The following WNT3A variants were observed in gnomAD, a reference collection of about 807,000 sequenced individuals.
The protein encoded by WNT3A is protein Wnt-3a.
In WNT3A, 17 loss-of-function variants were observed where a neutral mutation model predicts 37.0. The observed-to-expected ratio is 0.46, with a 90% CI of 0.31 to 0.69. The LOEUF is 0.69. Ranked by LOEUF, WNT3A falls within the 30% of genes least tolerant of loss-of-function variation. The pLI is 0.05. For synonymous variants in WNT3A, 187 were observed against 211.0 expected (o/e 0.89, Z 0.99); for missense variants, 411 against 510.2 (o/e 0.81, Z 1.87).
chr1:228,055,216 A>ATATATATATATG (rs1490963885), intron 3 of WNT3A, among the ~76,000 whole-genome samples: 1 of 130,336 alleles, frequency 7.7e-6, no homozygotes, highest in Non-Finnish European at 1.6e-5. Context: ...ATATATATAT[A>ATATATATATATG]TATACACACA....
At chr1:228,057,639 G>A (rs1417021536) in intron 3 of WNT3A, among the ~76,000 whole-genome samples, 2 of 152,166 alleles carry the variant, frequency 1.3e-5, no homozygotes, top group Non-Finnish European at 2.9e-5. Context: ...GCCAGAAGGG[G>A]ACGAGGAGGA....
In WNT3A at chr1:228,007,274, C is replaced by T. The variant is rs1054989105; in HGVS notation, c.71+75C>T. On this transcript the variant is annotated intron_variant, in intron 1 of 3. Transcript: ENST00000284523. The surrounding 1 kb of genome is among the most constrained non-coding windows in gnomAD (Gnocchi z 6.0). ...AGCAGACGGTCCCCTCGGGCAGGGA[C>T]CCCGCGGTGGCCCGAGCCCGCGCCC... 32 of 1,475,844 alleles carry T rather than the reference C, an allele frequency of 2.2e-5. No individual in the cohort carries two copies. In the Admixed American group the frequency reaches 6.2e-4, roughly 29 times the overall value. 91.4% of individuals were successfully genotyped at this position (1,475,844 alleles called of 1,614,324 possible). A position where few individuals can be genotyped will look rare whatever the true frequency, so the allele number is the denominator to read the frequency against.
chr1:228,016,619 G>A (rs2030538790), intron 1 of WNT3A, among the ~76,000 whole-genome samples: 1 of 152,120 alleles, frequency 6.6e-6, no homozygotes, highest in Admixed American at 6.5e-5. Flanking sequence ...TATTTTGCAG[G>A]GACTGGGGTT....
At chr1:228,052,731 C>T (rs558304596) in intron 3 of WNT3A, among the ~76,000 whole-genome samples, 1 of 152,316 alleles carries the variant, frequency 6.6e-6, no homozygotes, top group East Asian at 1.9e-4. Flanking sequence ...AATCTTCCTG[C>T]AGAAGACAAC....
At chr1:228,055,169 AAAAAAAAAAAATATATATATATAT>A (rs2031649020) in intron 3 of WNT3A, among the ~76,000 whole-genome samples, 1 of 70,530 alleles carries the variant, frequency 1.4e-5, no homozygotes, top group African/African-American at 6.3e-5. Flanking sequence ...AAAAAAAAAA[AAAAAAAAAAAATATATATATATAT>A]ATATATATAT....
chr1:228,020,185 T>C (rs1326746559), intron 1 of WNT3A, among the ~76,000 whole-genome samples: 3 of 152,200 alleles, frequency 2.0e-5, no homozygotes, highest in Non-Finnish European at 2.9e-5. Flanking sequence ...ATCACACCAC[T>C]GCACTCCAGC....
rs772366201 is a variant in WNT3A at position 228,007,155 on chromosome 1, C to T, written c.27C>T (p.Leu9=). Residue 9 remains leucine (L), a synonymous_variant, in exon 1 of 4, where the codon CTC becomes CTT. Coordinates refer to ENST00000284523, the MANE Select transcript of WNT3A (RefSeq NM_033131.4). This position sits in a 1 kb window ranked among gnomAD's most constrained non-coding sequence, Gnocchi z 6.0. ...TGGCCCCACTCGGATACTTCTTACT[C>T]CTCTGCAGCCTGAAGCAGGCTCTGG... MAPLGYFL[L]LCSLKQALGS... 1.2e-6 allele frequency: 2 copies of T among 1,603,028 alleles called. No individual in the cohort carries two copies. Among genetic ancestry groups the T allele is most frequent in the Non-Finnish European group, 1.7e-6 (2 of 1,175,002 alleles).
intron 1 of WNT3A, among the ~76,000 whole-genome samples, chr1:228,012,951 C>T (rs1391855765): frequency 6.6e-6 from 1 of 152,208 alleles, no homozygotes; most frequent in Non-Finnish European, 1.5e-5. Flanking sequence ...GATCTTGGCT[C>T]ACTGCAGCCT....
Position 228,060,176 on chromosome 1 carries a change from T to C in WNT3A, c.*711T>C. 1 of 1,351,388 alleles carries C rather than the reference T, an allele frequency of 7.4e-7. No homozygotes were observed. Among genetic ancestry groups the C allele is most frequent in the Non-Finnish European group, 9.8e-7 (1 of 1,021,318 alleles). 83.7% of individuals were successfully genotyped at this position (1,351,388 alleles called of 1,614,324 possible). A position where few individuals can be genotyped will look rare whatever the true frequency, so the allele number is the denominator to read the frequency against. ...TGGGACTCTTCCCTGGGAACCGCCCTCCTGATTAAGGCGTGGCTTCTGCAG... is the reference window on the plus strand; with the variant it reads ...TGGGACTCTTCCCTGGGAACCGCCCCCCTGATTAAGGCGTGGCTTCTGCAG... On this transcript the variant is annotated 3_prime_UTR_variant, in exon 4 of 4. Transcript: ENST00000284523.
At position 228,022,755 on chromosome 1, in the gene WNT3A, C is replaced by T. The variant is rs908046368; in HGVS notation, c.160C>T (p.Arg54Cys). The T allele has an allele frequency of 4.3e-6, 7 of 1,614,046 alleles. No homozygotes were observed. Among genetic ancestry groups the T allele is most frequent in the East Asian group, 2.2e-5 (1 of 44,882 alleles). The change falls in exon 2 of 4, where the codon CGC (arginine) becomes TGC (cysteine). Residue 54 changes from arginine to cysteine, a missense_variant. Arg to Cys is a radical substitution (Grantham distance 180, BLOSUM62 -3). Coordinates refer to ENST00000284523, the MANE Select transcript of WNT3A (RefSeq NM_033131.4). Reference sequence around the variant, plus strand: ...CCCGGGCCTGGTCCCCAAGCAGCTCCGCTTCTGCAGGAACTACGTGGAGAT... The same window carrying T: ...CCCGGGCCTGGTCCCCAAGCAGCTCTGCTTCTGCAGGAACTACGTGGAGAT... ...SIPGLVPKQL[R>C]FCRNYVEIMP... is the part of the protein sequence containing the mutation.
rs1432541242 is a variant in WNT3A at position 228,007,528 on chromosome 1, G to C, written c.71+329G>C. Among the ~76,000 whole-genome samples, 1 of 152,144 alleles carries C rather than the reference G, an allele frequency of 6.6e-6. No homozygotes were observed. Among genetic ancestry groups the C allele is most frequent in the Non-Finnish European group, 1.5e-5 (1 of 68,022 alleles). ...AAGGTCGGCACGCACGGTCACCGAG[G>C]GGACAGGCAGCTCGAGGCCAGGGGA... On this transcript the variant is annotated intron_variant, in intron 1 of 3. Coordinates refer to ENST00000284523, the MANE Select transcript of WNT3A (RefSeq NM_033131.4). This position sits in a 1 kb window ranked among gnomAD's most constrained non-coding sequence, Gnocchi z 6.0.
chr1:228,008,069 G>T lies in WNT3A; in HGVS notation c.71+870G>T, dbSNP rs1427240306. Among the ~76,000 whole-genome samples the T allele has an allele frequency of 6.6e-6, 1 of 152,228 alleles. No homozygotes were observed. Among genetic ancestry groups the T allele is most frequent in the African/African-American group, 2.4e-5 (1 of 41,466 alleles). ...CACCTCCACTGCACATATCCTGTGG[G>T]AGGGGGAACGGTGGCCACACTTTCG... On this transcript the variant is annotated intron_variant, in intron 1 of 3. Coordinates refer to ENST00000284523, the MANE Select transcript of WNT3A (RefSeq NM_033131.4). This position sits in a 1 kb window ranked among gnomAD's most constrained non-coding sequence, Gnocchi z 4.9.
chr1:228,032,517 A>G (rs1445348339), intron 2 of WNT3A, among the ~76,000 whole-genome samples: 1 of 152,272 alleles, frequency 6.6e-6, no homozygotes, highest in Non-Finnish European at 1.5e-5. Context: ...GAGCCTGGTC[A>G]TATACCAGAA....
At chr1:228,051,330 A>G (rs1044482263) in intron 3 of WNT3A, among the ~76,000 whole-genome samples, 4 of 151,938 alleles carry the variant, frequency 2.6e-5, no homozygotes, top group African/African-American at 4.8e-5. Context: ...AGAGCCTCCC[A>G]GGCAGCCTGG....
rs1013240514 is a variant in WNT3A at position 228,007,048 on chromosome 1, G to T, written c.-81G>T. On this transcript the variant is annotated 5_prime_UTR_variant, in exon 1 of 4. Coordinates refer to ENST00000284523, the MANE Select transcript of WNT3A (RefSeq NM_033131.4). This position sits in a 1 kb window ranked among gnomAD's most constrained non-coding sequence, Gnocchi z 6.0. ...CAGGAGGGCCCAGCGACGCCGCCGC[G>T]CCAGCTCCCAGGGCCCGGCCCCCCC... 75 of 1,097,044 alleles carry T rather than the reference G, an allele frequency of 6.8e-5. No individual in the cohort carries two copies. Among genetic ancestry groups the T allele is most frequent in the Non-Finnish European group, 2.1e-5 (18 of 845,542 alleles). 68.0% of individuals were successfully genotyped at this position (1,097,044 alleles called of 1,614,324 possible).
At chr1:228,049,419 A>G (rs1283849921) in intron 2 of WNT3A, among the ~76,000 whole-genome samples, 1 of 152,194 alleles carries the variant, frequency 6.6e-6, no homozygotes, top group Admixed American at 6.5e-5. Context: ...CAGACTTGCC[A>G]CTGCTTTTTA....
chr1:228,040,885 CAAA>C (rs11328093), intron 2 of WNT3A, among the ~76,000 whole-genome samples: 14 of 118,638 alleles, frequency 1.2e-4, no homozygotes, highest in Non-Finnish European at 8.6e-5. Flanking sequence ...GACTCTATCT[CAAA>C]AAAAAAAAAA....
In WNT3A at chr1:228,008,283, A is replaced by G. The variant is rs938160285; in HGVS notation, c.71+1084A>G. The stretch of plus-strand genomic sequence containing the variant: ...CCCACAAGCATGCACACTCCCCCCC[A>G]TCCTTCTCCGACGGCAGCCTGGAAT... On this transcript the variant is annotated intron_variant, in intron 1 of 3. Coordinates refer to ENST00000284523, the MANE Select transcript of WNT3A (RefSeq NM_033131.4). This position sits in a 1 kb window ranked among gnomAD's most constrained non-coding sequence, Gnocchi z 4.9. Among the ~76,000 whole-genome samples the G allele has an allele frequency of 1.6e-4, 24 of 152,300 alleles. No homozygotes were observed. Among genetic ancestry groups the G allele is most frequent in the African/African-American group, 5.8e-4 (24 of 41,578 alleles).
In WNT3A at chr1:228,051,561, A is replaced by G. The variant is rs1467896358; in HGVS notation, c.579+640A>G. ...TCTGGAGACTGGGAAGTCCAAGGTC[A>G]TGGTACTAGCAGATACCTTGTCCGG... On this transcript the variant is annotated intron_variant, in intron 3 of 3. Transcript: ENST00000284523. Among the ~76,000 whole-genome samples, 3 of 152,294 alleles carry G rather than the reference A, an allele frequency of 2.0e-5. No homozygotes were observed. In the East Asian group the frequency reaches 5.8e-4, roughly 30 times the overall value.
Sources: allele counts gnomAD v4.1 joint callset (sites outside exome capture counted in the v4.1 genomes callset), GRCh38; gene constraint gnomAD v4.1.1; non-coding constraint Gnocchi (gnomAD v3.1); transcripts MANE v1.5; gene names NCBI Gene and HGNC (gene_info 2026-07-23, HGNC 2026-07-21).